The following RBFOX1 variants were observed in gnomAD, a reference collection of about 807,000 sequenced individuals.
RBFOX1 encodes RNA binding fox-1 homolog 1.
Under a neutral mutation model 57.7 loss-of-function variants are expected in RBFOX1, and 8 were observed. The observed-to-expected ratio is 0.14, with a 90% CI of 0.08 to 0.25. RBFOX1 has a LOEUF of 0.25. RBFOX1 is among the 10% of genes least tolerant of loss of function. The pLI is 1.00. For synonymous variants in RBFOX1, 326 were observed against 222.4 expected (o/e 1.47, Z -4.15); for missense variants, 611 against 548.5 (o/e 1.11, Z -1.14).
chr16:6,912,976 G>A (rs1240312436), intron 3 of RBFOX1, among the ~76,000 whole-genome samples: 1 of 151,922 alleles, frequency 6.6e-6, no homozygotes, highest in Non-Finnish European at 1.5e-5. Context: ...ACCTCATCTG[G>A]CTGTTACCCA....
intron 4 of RBFOX1, among the ~76,000 whole-genome samples, chr16:7,106,984 A>AAACACACACATACACACAC (rs529197707): frequency 6.7e-6 from 1 of 148,514 alleles, no homozygotes; most frequent in Non-Finnish European, 1.5e-5. Context: ...ACACAGTTAA[A>AAACACACACATACACACAC]ACACACACAC....
intron 3 of RBFOX1, among the ~76,000 whole-genome samples, chr16:6,803,974 T>C: frequency 6.6e-6 from 1 of 152,106 alleles, no homozygotes. Context: ...CGTTATAACA[T>C]ATGAAGCTAA....
At chr16:7,381,915 C>G (rs988619800) in intron 4 of RBFOX1, among the ~76,000 whole-genome samples, 1 of 152,184 alleles carries the variant, frequency 6.6e-6, no homozygotes, top group Admixed American at 6.5e-5. Flanking sequence ...TCTCCCCACA[C>G]TGTGATGCCC....
chr16:6,854,263 C>A (rs1246516666), intron 3 of RBFOX1, among the ~76,000 whole-genome samples: 1 of 152,016 alleles, frequency 6.6e-6, no homozygotes, highest in East Asian at 1.9e-4. Flanking sequence ...AGCACCATTT[C>A]CTAGTTAGAG....
At chr16:7,201,299 G>C (rs1253674680) in intron 4 of RBFOX1, among the ~76,000 whole-genome samples, 1 of 152,154 alleles carries the variant, frequency 6.6e-6, no homozygotes, top group African/African-American at 2.4e-5. Context: ...CCAGGTAGTA[G>C]AAGAGGTGAA....
At chr16:6,392,982 C>T (rs1202225484) in intron 2 of RBFOX1, among the ~76,000 whole-genome samples, 1 of 152,184 alleles carries the variant, frequency 6.6e-6, no homozygotes, top group Non-Finnish European at 1.5e-5. Context: ...TCAAGATGCT[C>T]ACTAAATCAG....
chr16:7,546,317 A>C (rs2084512882), intron 5 of RBFOX1, among the ~76,000 whole-genome samples: 1 of 151,370 alleles, frequency 6.6e-6, no homozygotes, highest in African/African-American at 2.4e-5. Flanking sequence ...AAAGGGTAAA[A>C]CTCCACCTCA....
At chr16:7,225,140 A>G (rs532030548) in intron 4 of RBFOX1, among the ~76,000 whole-genome samples, 2 of 152,272 alleles carry the variant, frequency 1.3e-5, no homozygotes, top group Admixed American at 6.5e-5. Context: ...GGTCATTGTC[A>G]TTATCTTAAA....
intron 1 of RBFOX1, among the ~76,000 whole-genome samples, chr16:5,403,230 A>G (rs1215216125): frequency 2.0e-5 from 3 of 151,748 alleles, no homozygotes; most frequent in Non-Finnish European, 4.4e-5. Context: ...CATGCTTGTA[A>G]TCCCAGCTAT....
chr16:7,509,390 C>CTGTGTGTGTGTGTGTGTG (rs34760329), intron 4 of RBFOX1, among the ~76,000 whole-genome samples: 1 of 145,056 alleles, frequency 6.9e-6, no homozygotes, highest in Admixed American at 6.9e-5. Context: ...GAGCCAAGCC[C>CTGTGTGTGTGTGTGTGTG]TGTGTGTGTG....
At chr16:6,428,052 G>A (rs988158527) in intron 2 of RBFOX1, among the ~76,000 whole-genome samples, 2 of 152,086 alleles carry the variant, frequency 1.3e-5, no homozygotes, top group Admixed American at 6.6e-5. Flanking sequence ...GGAGGCCGAG[G>A]CAGGCAAATC....
intron 4 of RBFOX1, among the ~76,000 whole-genome samples, chr16:7,057,373 A>G (rs1414577718): frequency 2.0e-5 from 3 of 152,136 alleles, no homozygotes; most frequent in Admixed American, 6.5e-5. Flanking sequence ...CCTGAACTCA[A>G]CGTATGTCTT....
At chr16:6,014,482 A>G (rs2094981368), upstream of RBFOX1, among the ~76,000 whole-genome samples, 1 of 152,130 alleles carries the variant, frequency 6.6e-6, no homozygotes, top group African/African-American at 2.4e-5. Context: ...CTTGGTTAAT[A>G]TCAAAACCCT....
chr16:7,486,007 T>C (rs1217479296), intron 4 of RBFOX1, among the ~76,000 whole-genome samples: 2 of 152,196 alleles, frequency 1.3e-5, no homozygotes, highest in Admixed American at 6.5e-5. Flanking sequence ...TGAAAGTGTT[T>C]CCTGTCTGGC....
chr16:6,978,693 G>A (rs2087791127), intron 3 of RBFOX1, among the ~76,000 whole-genome samples: 2 of 152,136 alleles, frequency 1.3e-5, no homozygotes, highest in South Asian at 2.1e-4. Context: ...CTGAGGTTTT[G>A]CCAATGTAAT....
chr16:7,461,884 G>C (rs920690494), intron 4 of RBFOX1, among the ~76,000 whole-genome samples: 2 of 152,132 alleles, frequency 1.3e-5, no homozygotes, highest in Non-Finnish European at 2.9e-5. Flanking sequence ...CTCAGTATCA[G>C]ACCATCCTTG....
intron 3 of RBFOX1, among the ~76,000 whole-genome samples, chr16:6,790,005 A>C (rs973391321): frequency 1.3e-5 from 2 of 150,878 alleles, no homozygotes; most frequent in Non-Finnish European, 3.0e-5. Context: ...TCCTTTCTTA[A>C]GCTTTTTTGT....
intron 1 of RBFOX1, among the ~76,000 whole-genome samples, chr16:6,024,840 C>A (rs1476295147): frequency 6.6e-6 from 1 of 152,232 alleles, no homozygotes; most frequent in Non-Finnish European, 1.5e-5. Flanking sequence ...CCACTGTGTG[C>A]CAAGCACTAT....
chr16:7,438,549 C>T (rs1382847853), intron 4 of RBFOX1, among the ~76,000 whole-genome samples: 1 of 152,198 alleles, frequency 6.6e-6, no homozygotes, highest in African/African-American at 2.4e-5. Context: ...TTCGTCCTCA[C>T]AGACTCCTCA....
Sources: gnomAD v4.1 joint callset for allele counts (sites outside exome capture counted in the v4.1 genomes callset) on GRCh38, gnomAD v4.1.1 for gene constraint, MANE v1.5 for transcripts, NCBI Gene and HGNC (gene_info 2026-07-23, HGNC 2026-07-21) for gene names.